Variants in PITPNC1 observed in about 807,000 individuals in gnomAD.
The protein encoded by PITPNC1 is phosphatidylinositol transfer protein cytoplasmic 1, also known as cytoplasmic phosphatidylinositol transfer protein 1.
In PITPNC1, 18 loss-of-function variants were observed where a neutral mutation model predicts 44.7. That is an observed-to-expected ratio of 0.40 (90% CI 0.28 to 0.60). The LOEUF is 0.60. Ranked by LOEUF, PITPNC1 falls within the 20% of genes least tolerant of loss-of-function variation. The probability of loss-of-function intolerance (pLI) is 0.39; values close to 1 mark genes in which losing one functional copy is unlikely to be tolerated. For missense variants in PITPNC1, 290 were observed against 418.4 expected, an observed-to-expected ratio of 0.69 and a Z score of 2.68; for synonymous variants, 141 against 149.6, an observed-to-expected ratio of 0.94 and a Z score of 0.42.
chr17:67,580,345 G>A (rs2041212565), intron 5 of PITPNC1, among the ~76,000 whole-genome samples: 1 of 152,124 alleles, frequency 6.6e-6, no homozygotes, highest in African/African-American at 2.4e-5. Flanking sequence ...AAATATGGGG[G>A]AATTTTTTTT....
chr17:67,473,495 A>AT (rs1278474917), intron 1 of PITPNC1, among the ~76,000 whole-genome samples: 1 of 151,300 alleles, frequency 6.6e-6, no homozygotes, highest in Admixed American at 6.6e-5. Flanking sequence ...CATCCGGCTA[A>AT]TTTTTTTGTA....
chr17:67,692,751 C>T lies in PITPNC1; in HGVS notation c.862C>T (p.Leu288=). The T allele has an allele frequency of 6.2e-7, 1 of 1,613,930 alleles. No individual in the cohort carries two copies. Among genetic ancestry groups the T allele is most frequent in the Non-Finnish European group, 8.5e-7 (1 of 1,179,848 alleles). ...TCTCTCCACAGACGCACCCGAATTT[C>T]TGTCCGTTCCCAAAGATCGGCCCCG... ...TPLSTDAPEF[L]SVPKDRPRKK... Residue 288 remains leucine (L), a synonymous_variant, in exon 9 of 9, where the codon CTG becomes TTG. Coordinates refer to ENST00000581322, the MANE Select transcript of PITPNC1 (RefSeq NM_012417.4).
chr17:67,552,868 A>G (rs1238171423), intron 3 of PITPNC1, among the ~76,000 whole-genome samples: 1 of 151,520 alleles, frequency 6.6e-6, no homozygotes, highest in African/African-American at 2.4e-5. Flanking sequence ...AGACATTTCC[A>G]GAGGTTTTAT....
At chr17:67,438,667 C>T (rs1008590292) in intron 1 of PITPNC1, among the ~76,000 whole-genome samples, 1 of 152,190 alleles carries the variant, frequency 6.6e-6, no homozygotes, top group East Asian at 1.9e-4. Context: ...AGAATATGAT[C>T]TTTTACCATC....
intron 6 of PITPNC1, among the ~76,000 whole-genome samples, chr17:67,660,126 C>A (rs2042322423): frequency 6.6e-6 from 1 of 152,256 alleles, no homozygotes; most frequent in South Asian, 2.1e-4. Flanking sequence ...AGGCAGTCCA[C>A]CTGCCTAGAC....
intron 1 of PITPNC1, among the ~76,000 whole-genome samples, chr17:67,438,798 C>T (rs1283259485): frequency 6.6e-6 from 1 of 152,204 alleles, no homozygotes; most frequent in Non-Finnish European, 1.5e-5. Context: ...AAAAGCAGTA[C>T]TGCTGCTGAC....
At chr17:67,382,331 GT>G (rs1242077232) in intron 1 of PITPNC1, among the ~76,000 whole-genome samples, 1 of 140,214 alleles carries the variant, frequency 7.1e-6, no homozygotes, top group Admixed American at 7.1e-5. Context: ...TGTTGGTGGG[GT>G]TTTTTGGTGT....
chr17:67,592,522 G>C (rs549986725), intron 5 of PITPNC1, among the ~76,000 whole-genome samples: 1 of 152,282 alleles, frequency 6.6e-6, no homozygotes, highest in African/African-American at 2.4e-5. Context: ...AAAGTCAAAA[G>C]ATAGCTGAGA....
At chr17:67,642,703 G>A (rs541901336) in intron 6 of PITPNC1, among the ~76,000 whole-genome samples, 10 of 152,208 alleles carry the variant, frequency 6.6e-5, no homozygotes, top group African/African-American at 2.2e-4. Flanking sequence ...ACCGTGCCTA[G>A]TGCTGATTTT....
chr17:67,377,751 T>G lies in PITPNC1; in HGVS notation c.-404T>G. ...TCGGAGGCGGATCGAGCGGGTGACT[T>G]TTGTGCATTCGTTTTAATTTTTGGA... On this transcript the variant is annotated 5_prime_UTR_variant, in exon 1 of 9. Coordinates refer to ENST00000581322, the MANE Select transcript of PITPNC1 (RefSeq NM_012417.4). The G allele has an allele frequency of 2.4e-5, 4 of 165,112 alleles. No individual in the cohort carries two copies. Among genetic ancestry groups the G allele is most frequent in the Non-Finnish European group, 5.2e-5 (4 of 77,050 alleles). 10.2% of individuals were successfully genotyped at this position (165,112 alleles called of 1,614,324 possible).
intron 5 of PITPNC1, among the ~76,000 whole-genome samples, chr17:67,610,325 GC>G (rs776543033): frequency 9.9e-5 from 15 of 152,182 alleles, no homozygotes; most frequent in Non-Finnish European, 1.9e-4. Flanking sequence ...AACTTAAGCT[GC>G]CCCTCAGGCT....
At chr17:67,457,154 A>C (rs2039265922) in intron 1 of PITPNC1, 1 of 152,114 alleles carries the variant, frequency 6.6e-6, no homozygotes, top group African/African-American at 2.4e-5. Context: ...CTGGGAGATC[A>C]CCATATTGAT....
Position 67,583,982 on chromosome 17 carries a change from G to T in PITPNC1, c.366+5725G>T, listed in dbSNP as rs138484444. Among the ~76,000 whole-genome samples the T allele has an allele frequency of 6.9e-4, 105 of 151,254 alleles. No individual in the cohort carries two copies. In the East Asian group the frequency reaches 0.012, roughly 17 times the overall value. ...TCTCGATCTCCCGACCTCATGATCC[G>T]CCCGCCTCGGCTTCCCAAATTGCTG... On this transcript the variant is annotated intron_variant, in intron 5 of 8. Transcript: ENST00000581322.
intron 1 of PITPNC1, among the ~76,000 whole-genome samples, chr17:67,461,424 G>A (rs2143973568): frequency 6.6e-6 from 1 of 152,326 alleles, no homozygotes; most frequent in Middle Eastern, 3.4e-3. Context: ...GCATCCTATG[G>A]GAACTCATGC....
chr17:67,536,035 A>G (rs530541376), intron 2 of PITPNC1, among the ~76,000 whole-genome samples: 1 of 152,342 alleles, frequency 6.6e-6, no homozygotes, highest in East Asian at 1.9e-4. Flanking sequence ...ATGTGCTGTA[A>G]GAAAGAGGAA....
Position 67,653,265 on chromosome 17 carries a change from T to C in PITPNC1, c.463-16243T>C, listed in dbSNP as rs8069676. On this transcript the variant is annotated intron_variant, in intron 6 of 8. Coordinates refer to ENST00000581322, the MANE Select transcript of PITPNC1 (RefSeq NM_012417.4). ...CAGCCTGGGTGACACAGCAAGACTC[T>C]GTCTAAAAGAAAAAAAAGGTTGGGG... Among the ~76,000 whole-genome samples the C allele has an allele frequency of 9.8e-3, 1,493 of 152,110 alleles. 18 individuals carry two copies. Among genetic ancestry groups the C allele is most frequent in the African/African-American group, 0.034 (1,411 of 41,496 alleles).
intron 6 of PITPNC1, among the ~76,000 whole-genome samples, chr17:67,657,586 C>T (rs892221996): frequency 3.3e-5 from 5 of 150,760 alleles, no homozygotes; most frequent in African/African-American, 1.2e-4. Context: ...TCTCAGGCCC[C>T]GGTGTCCTTA....
At chr17:67,662,037 T>C (rs900151968) in intron 6 of PITPNC1, among the ~76,000 whole-genome samples, 1 of 150,694 alleles carries the variant, frequency 6.6e-6, no homozygotes, top group African/African-American at 2.5e-5. Flanking sequence ...GGTAGGACCA[T>C]CAGCAAACCC....
rs1318528258 is a variant in PITPNC1 at position 67,599,022 on chromosome 17, ATATATATATATATTTTTTTT to A, written c.366+20767_366+20786del. ...AATACATATATATATATATATATAT[ATATATATATATATTTTTTTT>A]TTTTTTTTTTTTACCATGTTGGCCA... is the stretch of plus-strand genomic sequence containing the variant. On this transcript the variant is annotated intron_variant, in intron 5 of 8. Transcript: ENST00000581322. 2.4e-4 allele frequency among the ~76,000 whole-genome samples: 10 copies of A among 41,820 alleles called. 1 individual carries two copies. The highest frequency in any genetic ancestry group is 9.9e-4 in the African/African-American group (10 of 10,054). 27.4% of individuals were successfully genotyped at this position (41,820 alleles called of 152,430 possible).
Sources: allele counts gnomAD v4.1 joint callset (sites outside exome capture counted in the v4.1 genomes callset), GRCh38; gene constraint gnomAD v4.1.1; transcripts MANE v1.5; gene names NCBI Gene and HGNC (gene_info 2026-07-23, HGNC 2026-07-21).